GPHN: variants seen among roughly 807,000 people sequenced by gnomAD.
GPHN encodes gephyrin.
GPHN carries 17 observed loss-of-function variants against 95.5 expected under a neutral mutation model. The observed-to-expected ratio is 0.18, with a 90% CI of 0.12 to 0.27. GPHN has a LOEUF of 0.27. Among genes scored for constraint, GPHN ranks in the 10% least tolerant of loss-of-function variants. The pLI, the probability that GPHN is intolerant of heterozygous loss-of-function variation, is 1.00. For missense variants in GPHN, 660 were observed against 978.1 expected (o/e 0.67, Z 4.34); for synonymous variants, 320 against 322.5 (o/e 0.99, Z 0.08).
chr14:67,650,470 G>C, the GPHN span: 31 of 516,864 alleles, frequency 6.0e-5, no homozygotes, highest in East Asian at 9.8e-4. Context: ...TATGTTAGTT[G>C]AACAGGGATG....
the GPHN span, among the ~76,000 whole-genome samples, chr14:67,322,554 A>T: frequency 9.9e-5 from 15 of 152,158 alleles, no homozygotes; most frequent in Admixed American, 9.8e-4. Context: ...TGACTCTAAA[A>T]TGGCTATTCT....
At chr14:67,642,808 T>C in the GPHN span, among the ~76,000 whole-genome samples, 3 of 127,948 alleles carry the variant, frequency 2.3e-5, no homozygotes, top group Admixed American at 7.9e-5. Context: ...TTTTTTTTTT[T>C]TTTTTTTTTT....
chr14:67,312,652 G>A, the GPHN span: 1 of 1,613,256 alleles, frequency 6.2e-7, no homozygotes, highest in Non-Finnish European at 8.5e-7. Context: ...ATCCAAACTG[G>A]TGGCAGGCCT....
chr14:67,259,095 G>A, the GPHN span, among the ~76,000 whole-genome samples: 57 of 151,776 alleles, frequency 3.8e-4, no homozygotes, highest in African/African-American at 1.3e-3. Context: ...CGCCTGCCTC[G>A]GCTTCCCAAA....
At chr14:67,100,809 T>C in intron 12 of GPHN, 47 bp from the exon 13 acceptor site, 1 of 1,228,502 alleles carries the variant, frequency 8.1e-7, no homozygotes, top group Non-Finnish European at 1.2e-6. Flanking sequence ...TGTTCCATGC[T>C]GTAGGTCCAT....
At chr14:67,252,461 A>G in the GPHN span, among the ~76,000 whole-genome samples, 2 of 152,152 alleles carry the variant, frequency 1.3e-5, no homozygotes, top group Non-Finnish European at 2.9e-5. Flanking sequence ...AGCATTTAGC[A>G]AACTATTGAA....
At chr14:67,241,579 A>G in the GPHN span, 1 of 151,720 alleles carries the variant, frequency 6.6e-6, no homozygotes, top group Non-Finnish European at 1.5e-5. Context: ...ATCTTAATCA[A>G]CAGGTCCCTG....
At chr14:67,294,622 G>A in the GPHN span, 1 of 151,520 alleles carries the variant, frequency 6.6e-6, no homozygotes, top group Non-Finnish European at 1.5e-5. Context: ...TTAAATCTTT[G>A]ATGATCTAGC....
chr14:66,628,962 G>A (rs1303250406), intron 1 of GPHN, among the ~76,000 whole-genome samples: 1 of 150,254 alleles, frequency 6.7e-6, no homozygotes, highest in Admixed American at 6.7e-5. Flanking sequence ...CCACTCTGGA[G>A]GCTAAGGAGG....
At chr14:66,836,718 A>C (rs999240480) in intron 4 of GPHN, among the ~76,000 whole-genome samples, 1 of 150,558 alleles carries the variant, frequency 6.6e-6, no homozygotes, top group Non-Finnish European at 1.5e-5. Context: ...AATATCCAGA[A>C]TCTACAATGA....
At chr14:67,522,248 C>T in the GPHN span, among the ~76,000 whole-genome samples, 2 of 152,262 alleles carry the variant, frequency 1.3e-5, no homozygotes, top group African/African-American at 2.4e-5. Flanking sequence ...CACATATCCC[C>T]GTACCCGCTC....
the GPHN span, among the ~76,000 whole-genome samples, chr14:67,543,753 G>A: frequency 6.8e-6 from 1 of 147,668 alleles, no homozygotes; most frequent in Non-Finnish European, 1.5e-5. Context: ...AGAGACTTCT[G>A]TTTCTAGTAA....
At chr14:66,509,665 T>C (rs1285111120) in intron 1 of GPHN, among the ~76,000 whole-genome samples, 1 of 152,086 alleles carries the variant, frequency 6.6e-6, no homozygotes, top group African/African-American at 2.4e-5. Flanking sequence ...AGGGCTTAGT[T>C]TGGAGTGAAG....
At chr14:67,129,313 G>A (rs529244844) in intron 17 of GPHN, among the ~76,000 whole-genome samples, 3 of 152,200 alleles carry the variant, frequency 2.0e-5, no homozygotes, top group South Asian at 4.2e-4. Context: ...TAAGGAATCT[G>A]AATCTAAGTA....
chr14:66,795,406 A>G (rs2060120218), intron 3 of GPHN, among the ~76,000 whole-genome samples: 1 of 152,128 alleles, frequency 6.6e-6, no homozygotes, highest in South Asian at 2.1e-4. Context: ...GTATTTAGAC[A>G]GTTTTCATTT....
chr14:67,586,762 G>A, the GPHN span: 2 of 1,314,350 alleles, frequency 1.5e-6, no homozygotes, highest in Admixed American at 5.8e-5. Flanking sequence ...TGCTAAAGGG[G>A]AGGATCTCCA....
chr14:67,418,456 C>T, the GPHN span, among the ~76,000 whole-genome samples: 6 of 152,302 alleles, frequency 3.9e-5, 1 homozygote, highest in South Asian at 1.2e-3. Context: ...ACATCCCTGT[C>T]CCATTGACTC....
chr14:66,561,810 C>G lies in GPHN; in HGVS notation c.64+53219C>G, dbSNP rs145536935. On this transcript the variant is annotated intron_variant, in intron 1 of 22. Transcript: ENST00000478722. ...TTATGTAGTTCTGAAGATCAGAGGT[C>G]CAATACAGGTCTCAGGGCTAAAATC... Among the ~76,000 whole-genome samples the G allele has an allele frequency of 4.9e-3, 748 of 152,140 alleles. 25 individuals are homozygous for G. Among genetic ancestry groups the G allele is most frequent in the Admixed American group, 0.042 (646 of 15,260 alleles).
chr14:67,729,810 T>C, the GPHN span: 13 of 489,770 alleles, frequency 2.7e-5, no homozygotes, highest in South Asian at 1.9e-4. Context: ...GCTGCCAAGA[T>C]TGGCACTATC....
Sources: allele counts gnomAD v4.1 joint callset (sites outside exome capture counted in the v4.1 genomes callset), GRCh38; gene constraint gnomAD v4.1.1; transcripts MANE v1.5; gene names NCBI Gene and HGNC (gene_info 2026-07-23, HGNC 2026-07-21).